The following RBFOX1 variants were observed in gnomAD, a reference collection of about 807,000 sequenced individuals.
RBFOX1 encodes the protein RNA binding protein fox-1 homolog 1.
Under a neutral mutation model 57.7 loss-of-function variants are expected in RBFOX1, and 8 were observed. The observed-to-expected ratio is 0.14, with a 90% CI of 0.08 to 0.25. RBFOX1 has a LOEUF of 0.25. Among genes scored for constraint, RBFOX1 ranks in the 10% least tolerant of loss-of-function variants. The pLI is 1.00. For synonymous variants in RBFOX1, 326 were observed against 222.4 expected (o/e 1.47, Z -4.15); for missense variants, 611 against 548.5 (o/e 1.11, Z -1.14).
chr16:5,499,094 T>G (rs1383312774), intron 2 of RBFOX1, among the ~76,000 whole-genome samples: 2 of 152,206 alleles, frequency 1.3e-5, no homozygotes, highest in Non-Finnish European at 2.9e-5. Context: ...CCAGGCCGGC[T>G]CTGGTTTTCC....
intron 2 of RBFOX1, among the ~76,000 whole-genome samples, chr16:6,647,340 G>A (rs550272615): frequency 6.6e-6 from 1 of 152,190 alleles, no homozygotes; most frequent in Admixed American, 6.5e-5. Flanking sequence ...CCGCCTCCTG[G>A]GTTGAAATGA....
intron 4 of RBFOX1, among the ~76,000 whole-genome samples, chr16:7,318,355 C>T (rs896174436): frequency 9.5e-5 from 14 of 146,902 alleles, no homozygotes; most frequent in African/African-American, 3.3e-4. Context: ...GTGGTAGTTG[C>T]AGTGGTGGTG....
intron 1 of RBFOX1, among the ~76,000 whole-genome samples, chr16:6,136,919 C>G (rs973073079): frequency 4.6e-5 from 7 of 152,160 alleles, no homozygotes; most frequent in African/African-American, 1.7e-4. Context: ...AGTCTCCTAG[C>G]AAAACAATTT....
chr16:7,329,013 A>T (rs2096649456), intron 4 of RBFOX1, among the ~76,000 whole-genome samples: 1 of 152,162 alleles, frequency 6.6e-6, no homozygotes, highest in Non-Finnish European at 1.5e-5. Flanking sequence ...AAATGATAGG[A>T]ATTTAGTAAA....
At position 7,464,569 on chromosome 16, in the gene RBFOX1, C is replaced by A. The variant is rs776069090; in HGVS notation, c.28-53578C>A. 2.6e-5 allele frequency among the ~76,000 whole-genome samples: 4 copies of A among 152,122 alleles called. No homozygotes were observed. The East Asian group carries it at 7.7e-4, about 29-fold the overall frequency. Reference sequence around the variant, plus strand: ...ACATCTACAAGCTATTGTTAAAAATCCCTGAGTGTTTGGCTCTCCATTTCG... The same window carrying A: ...ACATCTACAAGCTATTGTTAAAAATACCTGAGTGTTTGGCTCTCCATTTCG... On this transcript the variant is annotated intron_variant, in intron 4 of 15. Transcript: ENST00000550418.
At chr16:6,209,575 G>A (rs1457740082) in intron 1 of RBFOX1, among the ~76,000 whole-genome samples, 5 of 152,216 alleles carry the variant, frequency 3.3e-5, no homozygotes, top group Non-Finnish European at 7.3e-5. Flanking sequence ...GACCATACAG[G>A]TGGAATGAAT....
chr16:6,061,750 T>G (rs1054038706), intron 1 of RBFOX1, among the ~76,000 whole-genome samples: 1 of 152,172 alleles, frequency 6.6e-6, no homozygotes. Flanking sequence ...CACACTCATA[T>G]AGCACAGAAT....
intron 4 of RBFOX1, among the ~76,000 whole-genome samples, chr16:5,885,660 A>T: frequency 6.6e-6 from 1 of 152,168 alleles, no homozygotes; most frequent in Non-Finnish European, 1.5e-5. Context: ...CCGCTATGCT[A>T]ATGTTGCCCA....
At chr16:5,713,592 G>T (rs1408982821) in intron 3 of RBFOX1, among the ~76,000 whole-genome samples, 1 of 152,154 alleles carries the variant, frequency 6.6e-6, no homozygotes, top group Non-Finnish European at 1.5e-5. Context: ...ATCTGGAAAT[G>T]CCCGGATCTT....
chr16:7,121,039 A>G (rs1028628255), intron 4 of RBFOX1, among the ~76,000 whole-genome samples: 7 of 152,062 alleles, frequency 4.6e-5, no homozygotes, highest in Non-Finnish European at 7.4e-5. Flanking sequence ...AGTCCTGAAC[A>G]GTATTGGAAA....
At chr16:6,802,506 G>T (rs1050967597) in intron 3 of RBFOX1, among the ~76,000 whole-genome samples, 1 of 152,046 alleles carries the variant, frequency 6.6e-6, no homozygotes, top group African/African-American at 2.4e-5. Context: ...GCAAAACCCT[G>T]TCTCTACTTA....
intron 4 of RBFOX1, among the ~76,000 whole-genome samples, chr16:7,501,916 T>C (rs921865592): frequency 6.6e-5 from 10 of 152,212 alleles, no homozygotes; most frequent in Non-Finnish European, 1.0e-4. Flanking sequence ...TATTCACCAC[T>C]GTAGCCCCCA....
chr16:7,202,298 TAAAAA>T (rs35437762), intron 4 of RBFOX1, among the ~76,000 whole-genome samples: 1 of 131,736 alleles, frequency 7.6e-6, no homozygotes, highest in Non-Finnish European at 1.7e-5. Flanking sequence ...TGGCTGCAAA[TAAAAA>T]AAAAAAAAAA....
At chr16:7,255,154 TAGAA>T (rs548407876) in intron 4 of RBFOX1, among the ~76,000 whole-genome samples, 25 of 152,240 alleles carry the variant, frequency 1.6e-4, no homozygotes, top group African/African-American at 4.3e-4. Flanking sequence ...TGTTGAAAAA[TAGAA>T]AGATAGTTTC....
chr16:7,292,992 A>T (rs1008844713), intron 4 of RBFOX1, among the ~76,000 whole-genome samples: 2 of 152,130 alleles, frequency 1.3e-5, no homozygotes, highest in Non-Finnish European at 2.9e-5. Context: ...AAAAGAAAAG[A>T]GGGAAGAGGA....
chr16:7,434,719 T>C (rs1598353210), intron 4 of RBFOX1, among the ~76,000 whole-genome samples: 2 of 145,700 alleles, frequency 1.4e-5, no homozygotes, highest in Non-Finnish European at 3.0e-5. Context: ...CAGCGTCTAG[T>C]TTGCCCTCTT....
intron 2 of RBFOX1, among the ~76,000 whole-genome samples, chr16:6,432,362 A>C (rs1267192917): frequency 6.6e-6 from 1 of 152,076 alleles, no homozygotes; most frequent in African/African-American, 2.4e-5. Context: ...TGTATCTCAA[A>C]ATCTTCAATA....
intron 4 of RBFOX1, among the ~76,000 whole-genome samples, chr16:7,495,615 C>A (rs1454366291): frequency 6.6e-6 from 1 of 152,172 alleles, no homozygotes; most frequent in Non-Finnish European, 1.5e-5. Flanking sequence ...GTGTTTATAT[C>A]TTCTTTTGAG....
chr16:5,287,283 C>A (rs1331270385), intron 1 of RBFOX1, among the ~76,000 whole-genome samples: 45 of 151,466 alleles, frequency 3.0e-4, no homozygotes, highest in South Asian at 6.3e-4. Context: ...CTACCCTAGG[C>A]AAAGAGTGAG....
Sources: gnomAD v4.1 joint callset for allele counts (sites outside exome capture counted in the v4.1 genomes callset) on GRCh38, gnomAD v4.1.1 for gene constraint, MANE v1.5 for transcripts, NCBI Gene and HGNC (gene_info 2026-07-23, HGNC 2026-07-21) for gene names.